DLG2: variants seen among roughly 807,000 people sequenced by gnomAD.
DLG2 encodes discs large MAGUK scaffold protein 2.
In DLG2, 45 loss-of-function variants were observed where a neutral mutation model predicts 132.5. The ratio of observed to expected loss-of-function variants is 0.34; its 90% CI spans 0.27 to 0.44. The LOEUF (loss-of-function observed/expected upper bound fraction) is 0.44, where lower values mean the gene tolerates loss of function less well. DLG2 is among the 20% of genes least tolerant of loss of function. The pLI is 1.00. For missense variants in DLG2, 1,045 were observed against 1,196.9 expected (o/e 0.87, Z 1.87); for synonymous variants, 424 against 419.6 (o/e 1.01, Z -0.13).
intron 6 of DLG2, among the ~76,000 whole-genome samples, chr11:85,094,895 T>C (rs1038109467): frequency 1.3e-5 from 2 of 152,342 alleles, no homozygotes; most frequent in Admixed American, 1.3e-4. Flanking sequence ...TCACTAAGTT[T>C]AATCATTTCT....
In DLG2 at chr11:84,308,015, G is replaced by C. The variant is rs192221671; in HGVS notation, c.520-56724C>G. Reference sequence around the variant, plus strand: ...AAGGCAGTGTGGACCCAAAGAGTGAGCAGCAGCAAGATTTATTGCAAAGAG... The same window carrying C: ...AAGGCAGTGTGGACCCAAAGAGTGACCAGCAGCAAGATTTATTGCAAAGAG... On this transcript the variant is annotated intron_variant, in intron 7 of 27. Coordinates refer to ENST00000376104, the MANE Select transcript of DLG2 (RefSeq NM_001142699.3). Among the ~76,000 whole-genome samples the C allele has an allele frequency of 1.6e-4, 25 of 152,320 alleles. No homozygotes were observed. The East Asian group carries it at 4.6e-3, about 28-fold the overall frequency.
intron 7 of DLG2, among the ~76,000 whole-genome samples, chr11:84,392,973 TA>T (rs893854894): frequency 3.3e-5 from 5 of 152,100 alleles, no homozygotes; most frequent in Non-Finnish European, 7.4e-5. Context: ...ATGAACATTT[TA>T]AAAAAAGTAT....
intron 18 of DLG2, among the ~76,000 whole-genome samples, chr11:83,668,377 C>T (rs551416405): frequency 6.6e-6 from 1 of 152,228 alleles, no homozygotes; most frequent in East Asian, 1.9e-4. Flanking sequence ...GCTATCAGTC[C>T]CAGGACACAT....
At chr11:85,474,874 A>C (rs2153081261) in intron 3 of DLG2, among the ~76,000 whole-genome samples, 1 of 151,800 alleles carries the variant, frequency 6.6e-6, no homozygotes, top group South Asian at 2.1e-4. Flanking sequence ...ATTAGTAAAA[A>C]GTTTATATCT....
Position 85,626,575 on chromosome 11 carries a change from T to TA in DLG2, c.-93+11_-93+12insT, listed in dbSNP as rs1193786771. ...CCAGAACCAACAAAAGGGAGAAATA[T>TA]TATATAGCAACCTTATGGCCCACCT... On this transcript the variant is annotated intron_variant, in intron 2 of 27. Coordinates refer to ENST00000376104, the MANE Select transcript of DLG2 (RefSeq NM_001142699.3). 6.6e-6 allele frequency: 1 copy of TA among 152,166 alleles called. No homozygotes were observed. The highest frequency in any genetic ancestry group is 2.4e-5 in the African/African-American group (1 of 41,440). The allele number at this position is 152,166 out of a possible 1,614,324, so 9.4% of individuals were successfully genotyped here.
chr11:85,113,280 G>T (rs1027067074), intron 5 of DLG2, among the ~76,000 whole-genome samples: 5 of 152,098 alleles, frequency 3.3e-5, no homozygotes, highest in African/African-American at 1.2e-4. Context: ...CTAATTCACA[G>T]ATAATAGATA....
At chr11:85,183,694 A>G (rs937521994) in intron 4 of DLG2, among the ~76,000 whole-genome samples, 1 of 151,870 alleles carries the variant, frequency 6.6e-6, no homozygotes, top group Non-Finnish European at 1.5e-5. Flanking sequence ...GATATCAGGG[A>G]CAGCAACTCC....
chr11:85,060,433 A>G (rs535897393), intron 6 of DLG2, among the ~76,000 whole-genome samples: 5 of 150,732 alleles, frequency 3.3e-5, no homozygotes, highest in African/African-American at 9.7e-5. Flanking sequence ...ATATATGTGT[A>G]TATATATACA....
chr11:84,020,809 T>C (rs558761166), intron 11 of DLG2, among the ~76,000 whole-genome samples: 19 of 152,312 alleles, frequency 1.2e-4, no homozygotes, highest in African/African-American at 3.8e-4. Flanking sequence ...ATTAGAACGA[T>C]TGCCATTAAA....
chr11:85,214,196 C>T (rs1793826028), intron 4 of DLG2, among the ~76,000 whole-genome samples: 1 of 152,154 alleles, frequency 6.6e-6, no homozygotes, highest in Admixed American at 6.6e-5. Flanking sequence ...TCTACCCTCT[C>T]CTTTCAGCTG....
chr11:83,560,350 T>C (rs560676305), intron 19 of DLG2, among the ~76,000 whole-genome samples: 1 of 152,200 alleles, frequency 6.6e-6, no homozygotes, highest in Non-Finnish European at 1.5e-5. Context: ...ACTCCCAACC[T>C]CAGGTGATCC....
chr11:83,871,725 C>A (rs545651088), intron 16 of DLG2, among the ~76,000 whole-genome samples: 1 of 152,116 alleles, frequency 6.6e-6, no homozygotes, highest in Non-Finnish European at 1.5e-5. Context: ...ACTGAGACTT[C>A]GCCTTCTAAA....
intron 18 of DLG2, among the ~76,000 whole-genome samples, chr11:83,706,068 A>AAG: frequency 6.6e-6 from 1 of 152,004 alleles, no homozygotes; most frequent in African/African-American, 2.4e-5. Context: ...AATACAAAAA[A>AAG]TTAGCTGGGC....
chr11:85,588,554 T>C (rs184667767), intron 3 of DLG2, among the ~76,000 whole-genome samples: 6 of 152,334 alleles, frequency 3.9e-5, no homozygotes, highest in Admixed American at 2.6e-4. Context: ...ACAATATCTA[T>C]TTCTCTGTAG....
chr11:84,019,831 C>T (rs2095338105), intron 11 of DLG2, among the ~76,000 whole-genome samples: 1 of 152,144 alleles, frequency 6.6e-6, no homozygotes, highest in Admixed American at 6.6e-5. Context: ...TTCTCTCTCA[C>T]AGTCTTCAGA....
chr11:84,452,201 T>A (rs935427004), intron 7 of DLG2, among the ~76,000 whole-genome samples: 18 of 150,858 alleles, frequency 1.2e-4, no homozygotes, highest in African/African-American at 4.1e-4. Flanking sequence ...AGGACGACGA[T>A]GAAGACTAGG....
chr11:83,921,458 T>C (rs1306930935), intron 15 of DLG2, among the ~76,000 whole-genome samples: 1 of 152,192 alleles, frequency 6.6e-6, no homozygotes, highest in East Asian at 1.9e-4. Flanking sequence ...ATTGGGATGA[T>C]CATAGCTACC....
At chr11:83,521,488 C>T (rs1035079989) in intron 21 of DLG2, among the ~76,000 whole-genome samples, 4 of 152,138 alleles carry the variant, frequency 2.6e-5, no homozygotes, top group African/African-American at 4.8e-5. Context: ...TCTGATAACA[C>T]GTAGCAATTA....
intron 11 of DLG2, among the ~76,000 whole-genome samples, chr11:83,996,483 AG>A (rs1189690109): frequency 2.0e-5 from 3 of 152,220 alleles, no homozygotes; most frequent in African/African-American, 4.8e-5. Flanking sequence ...ACCGAAAGAA[AG>A]CAAATCAGTA....
Sources: gnomAD v4.1 joint callset for allele counts (sites outside exome capture counted in the v4.1 genomes callset) on GRCh38, gnomAD v4.1.1 for gene constraint, MANE v1.5 for transcripts, NCBI Gene and HGNC (gene_info 2026-07-23, HGNC 2026-07-21) for gene names.